Variants in IPO11 observed in about 807,000 individuals in gnomAD.
IPO11 encodes importin 11, also known as importin-11.
Under a neutral mutation model 143.2 loss-of-function variants are expected in IPO11, and 66 were observed. The observed-to-expected ratio is 0.46, with a 90% CI of 0.38 to 0.57. The LOEUF is 0.57. Ranked by LOEUF, IPO11 falls within the 20% of genes least tolerant of loss-of-function variation. IPO11 has a pLI of 0.00. For missense variants in IPO11, 1,026 were observed against 1,141.0 expected (o/e 0.90, Z 1.45); for synonymous variants, 385 against 377.8 (o/e 1.02, Z -0.22).
At chr5:62,505,729 C>G (rs26626) in intron 18 of IPO11, among the ~76,000 whole-genome samples, 13,746 of 152,016 alleles carry the variant, frequency 0.09, 671 homozygotes, top group East Asian at 0.14. Context: ...AAGAACTATT[C>G]TGCCATTTTT....
intron 16 of IPO11, among the ~76,000 whole-genome samples, chr5:62,499,253 A>G (rs553440075): frequency 1.5e-4 from 23 of 152,356 alleles, no homozygotes; most frequent in Non-Finnish European, 3.2e-4. Context: ...CCAGTGTAGC[A>G]TGTTACTGTA....
chr5:62,463,238 G>A (rs1745437673), intron 5 of IPO11, among the ~76,000 whole-genome samples: 1 of 151,984 alleles, frequency 6.6e-6, no homozygotes, highest in Non-Finnish European at 1.5e-5. Context: ...TAGAAAAAGG[G>A]TCTCACTTTG....
rs148908693 is a variant in IPO11, at chr5:62,491,466, A to T, written c.1463+1246A>T. Among the ~76,000 whole-genome samples, 606 of 152,278 alleles carry T rather than the reference A, an allele frequency of 4.0e-3. 9 individuals carry two copies. The highest frequency in any genetic ancestry group is 0.014 in the African/African-American group (591 of 41,558). ...TGTCCTTAAACCCTAGAGGCTATTTAGTGTAAGACCTTCACTGTCCAGTGC... is the reference window on the plus strand; with the variant it reads ...TGTCCTTAAACCCTAGAGGCTATTTTGTGTAAGACCTTCACTGTCCAGTGC... On this transcript the variant is annotated intron_variant, in intron 15 of 29. Coordinates refer to ENST00000325324, the MANE Select transcript of IPO11 (RefSeq NM_016338.5).
intron 19 of IPO11, among the ~76,000 whole-genome samples, chr5:62,507,234 T>C (rs1014703327): frequency 7.9e-5 from 12 of 152,216 alleles, no homozygotes; most frequent in Non-Finnish European, 1.6e-4. Flanking sequence ...TTAATGGCAC[T>C]GCCAGTACTT....
chr5:62,486,411 AT>A (rs1281490853), intron 12 of IPO11, among the ~76,000 whole-genome samples: 1 of 152,014 alleles, frequency 6.6e-6, no homozygotes, highest in Non-Finnish European at 1.5e-5. Context: ...TTAAGCTAGA[AT>A]TTTTTCCTTC....
intron 26 of IPO11, among the ~76,000 whole-genome samples, chr5:62,560,024 A>AG (rs1743720926): frequency 6.6e-6 from 1 of 151,276 alleles, no homozygotes; most frequent in Non-Finnish European, 1.5e-5. Context: ...CCAGACCCTC[A>AG]GGTTTATTAT....
intron 2 of IPO11, among the ~76,000 whole-genome samples, chr5:62,442,513 A>C (rs1171166267): frequency 1.3e-5 from 2 of 152,228 alleles, no homozygotes; most frequent in South Asian, 4.1e-4. Flanking sequence ...TATATACTTC[A>C]TAAATATCGA....
At chr5:62,615,368 G>A (rs1320549073) in intron 29 of IPO11, among the ~76,000 whole-genome samples, 1 of 152,210 alleles carries the variant, frequency 6.6e-6, no homozygotes, top group Non-Finnish European at 1.5e-5. Flanking sequence ...TTAGTTTTGA[G>A]TTTAGATTTT....
At chr5:62,504,465 G>A (rs2112261994) in intron 16 of IPO11, among the ~76,000 whole-genome samples, 1 of 152,248 alleles carries the variant, frequency 6.6e-6, no homozygotes, top group Non-Finnish European at 1.5e-5. Flanking sequence ...AAAAGAATAG[G>A]AATAAATGCT....
chr5:62,451,824 T>G lies in IPO11; in HGVS notation c.407T>G (p.Val136Gly). Reference protein sequence around the residue: ...PELIPTLIESVKVQDDLRQHR... With the variant: ...PELIPTLIESGKVQDDLRQHR... Reference sequence around the variant, plus strand: ...CTAATTCCCACTCTTATAGAGTCTGTTAAAGTCCAGGATGATCTTCGACAG... The same window carrying G: ...CTAATTCCCACTCTTATAGAGTCTGGTAAAGTCCAGGATGATCTTCGACAG... Residue 136 changes from valine (V) to glycine (G), a missense_variant, in exon 5 of 30, where the codon GTT becomes GGT. Physicochemically the swap from Val to Gly is moderately radical, Grantham distance 109. Transcript: ENST00000325324. 1 of 1,614,006 alleles carries G rather than the reference T, an allele frequency of 6.2e-7. No homozygotes were observed. Among genetic ancestry groups the G allele is most frequent in the Non-Finnish European group, 8.5e-7 (1 of 1,179,862 alleles).
chr5:62,549,060 T>C (rs1743307487), intron 24 of IPO11, among the ~76,000 whole-genome samples: 1 of 150,922 alleles, frequency 6.6e-6, no homozygotes, highest in Admixed American at 6.7e-5. Flanking sequence ...ATTTTCCATG[T>C]TTATCTTTTT....
At chr5:62,564,122 A>G (rs1210355865) in intron 27 of IPO11, among the ~76,000 whole-genome samples, 2 of 152,172 alleles carry the variant, frequency 1.3e-5, no homozygotes, top group Non-Finnish European at 2.9e-5. Context: ...ATTTAACTTC[A>G]TAATATCCTT....
chr5:62,625,110 C>T (rs1746518818), intron 29 of IPO11, among the ~76,000 whole-genome samples: 1 of 151,892 alleles, frequency 6.6e-6, no homozygotes, highest in Admixed American at 6.6e-5. Flanking sequence ...ATGACATATG[C>T]CACATAACAA....
At chr5:62,500,360 C>CT (rs889379907) in intron 16 of IPO11, among the ~76,000 whole-genome samples, 17 of 151,670 alleles carry the variant, frequency 1.1e-4, no homozygotes, top group Non-Finnish European at 2.1e-4. Context: ...TTACAGTTAA[C>CT]TTTTTTTTTA....
intron 26 of IPO11, among the ~76,000 whole-genome samples, chr5:62,560,459 G>A (rs1487961225): frequency 6.6e-6 from 1 of 152,094 alleles, no homozygotes; most frequent in East Asian, 1.9e-4. Flanking sequence ...ATTATCTAGG[G>A]CATTCTCCTT....
intron 3 of IPO11, among the ~76,000 whole-genome samples, chr5:62,443,710 C>T (rs1324726507): frequency 1.3e-5 from 2 of 151,800 alleles, no homozygotes; most frequent in Non-Finnish European, 1.5e-5. Context: ...GAGTCTTATG[C>T]ATTCTTTCTC....
chr5:62,425,899 A>G (rs1189538407), intron 1 of IPO11, among the ~76,000 whole-genome samples: 2 of 152,242 alleles, frequency 1.3e-5, no homozygotes, highest in Non-Finnish European at 1.5e-5. Flanking sequence ...ATTTTAAACT[A>G]TCGTCTTTAT....
intron 29 of IPO11, among the ~76,000 whole-genome samples, chr5:62,612,726 C>T (rs1271799549): frequency 6.6e-6 from 1 of 152,028 alleles, no homozygotes; most frequent in Admixed American, 6.5e-5. Context: ...AGATTTAACC[C>T]ATATAAGCAA....
intron 20 of IPO11, among the ~76,000 whole-genome samples, chr5:62,521,395 T>G (rs576171330): frequency 1.3e-5 from 2 of 152,316 alleles, no homozygotes; most frequent in South Asian, 4.1e-4. Flanking sequence ...ACTTTTTTTT[T>G]CTTTGTCTTA....
Sources: gnomAD v4.1 joint callset for allele counts (sites outside exome capture counted in the v4.1 genomes callset) on GRCh38, gnomAD v4.1.1 for gene constraint, MANE v1.5 for transcripts, NCBI Gene and HGNC (gene_info 2026-07-23, HGNC 2026-07-21) for gene names.